Variants in OTUD7A observed in about 807,000 individuals in gnomAD.
OTUD7A encodes OTU domain-containing protein 7A.
Under a neutral mutation model 65.7 loss-of-function variants are expected in OTUD7A, and 12 were observed. The ratio of observed to expected loss-of-function variants is 0.18; its 90% confidence interval spans 0.12 to 0.30. The LOEUF is 0.30. Ranked by LOEUF, OTUD7A falls within the 10% of genes least tolerant of loss-of-function variation. The pLI, the probability that OTUD7A is intolerant of heterozygous loss-of-function variation, is 1.00. For missense variants in OTUD7A, 1,148 were observed against 1,304.8 expected, an observed-to-expected ratio of 0.88 and a Z score of 1.85; for synonymous variants, 641 against 586.3, an observed-to-expected ratio of 1.09 and a Z score of -1.35.
intron 1 of OTUD7A, among the ~76,000 whole-genome samples, chr15:31,795,784 T>C (rs947864450): frequency 4.6e-5 from 7 of 152,172 alleles, no homozygotes; most frequent in Non-Finnish European, 1.0e-4. Flanking sequence ...ACTGGAAGCA[T>C]GCTTGGGCCT....
At chr15:31,566,029 A>G (rs1306644337) in intron 4 of OTUD7A, among the ~76,000 whole-genome samples, 1 of 152,168 alleles carries the variant, frequency 6.6e-6, no homozygotes, top group East Asian at 1.9e-4. Flanking sequence ...TGTCTCTACT[A>G]AAAATACAAA....
intron 3 of OTUD7A, among the ~76,000 whole-genome samples, chr15:31,578,466 C>T (rs961974184): frequency 3.9e-5 from 6 of 152,158 alleles, no homozygotes; most frequent in African/African-American, 1.4e-4. Flanking sequence ...ACTCTTTCAA[C>T]CAACTGCCAA....
At chr15:31,640,852 G>T (rs544039033) in intron 3 of OTUD7A, among the ~76,000 whole-genome samples, 11 of 152,258 alleles carry the variant, frequency 7.2e-5, no homozygotes, top group Non-Finnish European at 1.6e-4. Flanking sequence ...GTGTGTATGT[G>T]TGTGTGTATG....
chr15:31,614,261 T>C (rs1385253626), intron 3 of OTUD7A, among the ~76,000 whole-genome samples: 5 of 151,820 alleles, frequency 3.3e-5, no homozygotes, highest in Admixed American at 6.6e-5. Flanking sequence ...AACTTACTCA[T>C]GTAACCGAAC....
At chr15:31,584,076 GCA>G (rs1450994233) in intron 3 of OTUD7A, among the ~76,000 whole-genome samples, 1 of 152,156 alleles carries the variant, frequency 6.6e-6, no homozygotes, top group East Asian at 1.9e-4. Flanking sequence ...AAAAGAAAGA[GCA>G]CAAAGACAGC....
intron 1 of OTUD7A, among the ~76,000 whole-genome samples, chr15:31,840,432 C>T (rs1022378779): frequency 1.3e-5 from 2 of 151,412 alleles, no homozygotes; most frequent in Admixed American, 6.6e-5. Flanking sequence ...AGCAAGACTT[C>T]GTCTCAAAAA....
At chr15:31,661,147 TA>T (rs1409106477) in intron 1 of OTUD7A, among the ~76,000 whole-genome samples, 2 of 152,252 alleles carry the variant, frequency 1.3e-5, no homozygotes, top group African/African-American at 4.8e-5. Context: ...GACACTCACT[TA>T]TTATACTTTT....
At position 31,767,753 on chromosome 15, in the gene OTUD7A, A is replaced by G. The variant is rs1314073396; in HGVS notation, c.-100+102754T>C. The stretch of plus-strand genomic sequence containing the variant: ...CTCGGCATTTTCCTGAGATAAATGT[A>G]ATCCATGCTTTTCAGCAGTTCTACG... On this transcript the variant is annotated intron_variant, in intron 1 of 12. Coordinates refer to ENST00000307050, the MANE Select transcript of OTUD7A (RefSeq NM_001382637.1). 7.0e-6 allele frequency: 5 copies of G among 709,898 alleles called. No individual in the cohort carries two copies. In the South Asian group the frequency reaches 7.7e-5, roughly 11 times the overall value. The allele number at this position is 709,898 out of a possible 1,614,324, so 44.0% of individuals were successfully genotyped here. A position where few individuals can be genotyped will look rare whatever the true frequency, so the allele number is the denominator to read the frequency against.
At chr15:31,548,742 T>C (rs4779890) in intron 5 of OTUD7A, among the ~76,000 whole-genome samples, 37,534 of 152,036 alleles carry the variant, frequency 0.25, 5,185 homozygotes, top group African/African-American at 0.37. Flanking sequence ...CTATCCCAGA[T>C]GACCACATCC....
chr15:31,763,572 T>A (rs1043160750), intron 1 of OTUD7A, among the ~76,000 whole-genome samples: 1 of 152,102 alleles, frequency 6.6e-6, no homozygotes, highest in Admixed American at 6.5e-5. Context: ...AACATTTGTG[T>A]CACCAAAGTC....
At chr15:31,614,050 A>C (rs950356056) in intron 3 of OTUD7A, among the ~76,000 whole-genome samples, 1 of 152,224 alleles carries the variant, frequency 6.6e-6, no homozygotes, top group Non-Finnish European at 1.5e-5. Context: ...TAACTCAGGA[A>C]TGAAAAACCA....
chr15:31,493,846 A>T (rs1595555782), intron 10 of OTUD7A, among the ~76,000 whole-genome samples: 1 of 152,092 alleles, frequency 6.6e-6, no homozygotes, highest in African/African-American at 2.4e-5. Flanking sequence ...TGTATGGTGT[A>T]GTTACAGCAG....
chr15:31,797,256 T>C (rs114308169), intron 1 of OTUD7A, among the ~76,000 whole-genome samples: 2,267 of 152,156 alleles, frequency 0.015, 58 homozygotes, highest in African/African-American at 0.052. Context: ...GGTGGAGGTG[T>C]TTTCTCGCTT....
intron 3 of OTUD7A, among the ~76,000 whole-genome samples, chr15:31,610,617 A>ATATATATATATATATTTTTTTTTT: frequency 3.3e-5 from 1 of 30,560 alleles, no homozygotes; most frequent in Admixed American, 6.7e-4. Flanking sequence ...ATATATATAT[A>ATATATATATATATATTTTTTTTTT]TTTTTTTTTT....
intron 3 of OTUD7A, among the ~76,000 whole-genome samples, chr15:31,611,469 A>G (rs1207807375): frequency 6.6e-6 from 1 of 152,214 alleles, no homozygotes; most frequent in African/African-American, 2.4e-5. Context: ...AAGAAATGAA[A>G]TGGGAGATAT....
chr15:31,827,863 G>A (rs1896835890), intron 1 of OTUD7A, among the ~76,000 whole-genome samples: 1 of 151,902 alleles, frequency 6.6e-6, no homozygotes, highest in Non-Finnish European at 1.5e-5. Flanking sequence ...GAGGGGCGGG[G>A]GTTAGAGGTT....
intron 4 of OTUD7A, among the ~76,000 whole-genome samples, chr15:31,565,613 A>C (rs74749699): frequency 0.032 from 4,802 of 152,298 alleles, 128 homozygotes; most frequent in Middle Eastern, 0.092. Flanking sequence ...AGCACACACA[A>C]AAAAAGGAAA....
chr15:31,719,629 C>T (rs1432119779), intron 1 of OTUD7A, among the ~76,000 whole-genome samples: 1 of 152,148 alleles, frequency 6.6e-6, no homozygotes, highest in African/African-American at 2.4e-5. Flanking sequence ...TTGCCAGCGT[C>T]CCTGCCCTGC....
At chr15:31,630,706 T>C (rs1200193303) in intron 3 of OTUD7A, among the ~76,000 whole-genome samples, 1 of 152,180 alleles carries the variant, frequency 6.6e-6, no homozygotes, top group Non-Finnish European at 1.5e-5. Context: ...CTCCCATTAT[T>C]AATGTGTGGG....
Sources: allele counts gnomAD v4.1 joint callset (sites outside exome capture counted in the v4.1 genomes callset), GRCh38; gene constraint gnomAD v4.1.1; transcripts MANE v1.5; gene names NCBI Gene and HGNC (gene_info 2026-07-23, HGNC 2026-07-21).